The following GLB1L2 variants were observed in gnomAD, a reference collection of about 807,000 sequenced individuals.
GLB1L2 encodes galactosidase beta 1 like 2.
Under a neutral mutation model 84.1 loss-of-function variants are expected in GLB1L2, and 68 were observed. That is an observed-to-expected ratio of 0.81 (90% CI 0.67 to 0.99). GLB1L2 has a LOEUF of 0.99. GLB1L2 is among the 50% of genes least tolerant of loss of function. The pLI, the probability that GLB1L2 is intolerant of heterozygous loss-of-function variation, is 0.00. For synonymous variants in GLB1L2, 290 were observed against 318.0 expected (o/e 0.91, Z 0.94); for missense variants, 762 against 805.6 (o/e 0.95, Z 0.66).
At chr11:134,344,902 C>T (rs1007170616) in intron 3 of GLB1L2, 132 bp from the exon 4 acceptor site, 22 of 1,068,940 alleles carry the variant, frequency 2.1e-5, no homozygotes, top group African/African-American at 1.4e-4. Flanking sequence ...TGGGAGTCCC[C>T]GCGCTTTGGG....
intron 1 of GLB1L2, among the ~76,000 whole-genome samples, chr11:134,336,721 G>A (rs910411968): frequency 6.6e-6 from 1 of 151,986 alleles, no homozygotes; most frequent in African/African-American, 2.4e-5. Flanking sequence ...TGCATCTCTT[G>A]TATATCTTCA....
chr11:134,373,712 C>T lies in GLB1L2; in HGVS notation c.1508-9C>T, dbSNP rs779768350. ...TGGGCTACCCACGTGTCCTGCCTCC[C>T]TCCCACAGGCTTAATTGGAAATCTC... On this transcript the variant is annotated splice_polypyrimidine_tract_variant and intron_variant, in intron 15 of 18. Transcript: ENST00000535456. 2 of 1,599,912 alleles carry T rather than the reference C, an allele frequency of 1.3e-6. No homozygotes were observed. The highest frequency in any genetic ancestry group is 1.7e-6 in the Non-Finnish European group (2 of 1,168,478).
At chr11:134,361,557 T>G (rs966923883) in intron 7 of GLB1L2, 9 of 152,430 alleles carry the variant, frequency 5.9e-5, no homozygotes, top group African/African-American at 9.6e-5. Context: ...TTATTCTGTT[T>G]GTTTTTCTTT....
intron 5 of GLB1L2, among the ~76,000 whole-genome samples, chr11:134,355,069 C>T (rs1943684226): frequency 6.6e-6 from 1 of 152,088 alleles, no homozygotes; most frequent in African/African-American, 2.4e-5. Context: ...TTTCTGATAA[C>T]CTGTGTTTAA....
In GLB1L2 at chr11:134,375,365, A is replaced by C; in HGVS notation, c.*307A>C. 3.0e-6 allele frequency: 1 copy of C among 332,070 alleles called. No individual in the cohort carries two copies. Among genetic ancestry groups the C allele is most frequent in the Non-Finnish European group, 5.5e-6 (1 of 182,974 alleles). 20.6% of individuals were successfully genotyped at this position (332,070 alleles called of 1,614,324 possible). On this transcript the variant is annotated 3_prime_UTR_variant, in exon 19 of 19. Coordinates refer to ENST00000535456, the MANE Select transcript of GLB1L2 (RefSeq NM_001370461.1). ...ATCGCCCAGCCTTTGGCCCTCAGAA[A>C]AAGTGCTGAAACGTGCCCTTGCACT...
Position 134,371,335 on chromosome 11 carries a change from C to G in GLB1L2, c.1357-86C>G, listed in dbSNP as rs998853586. 9.1e-5 allele frequency: 106 copies of G among 1,159,700 alleles called. 1 individual carries two copies. In the Admixed American group the frequency reaches 1.7e-3, roughly 18 times the overall value. 71.8% of individuals were successfully genotyped at this position (1,159,700 alleles called of 1,614,324 possible). A position where few individuals can be genotyped will look rare whatever the true frequency, so the allele number is the denominator to read the frequency against. ...CTGGCCCCTCGTCTGCCTACAGGCA[C>G]GCGTGCTGCCCTTCTTGGCCTGGAG... On this transcript the variant is annotated intron_variant, in intron 13 of 18. Transcript: ENST00000535456.
chr11:134,335,042 A>G (rs1050457746), intron 1 of GLB1L2, among the ~76,000 whole-genome samples: 1 of 152,114 alleles, frequency 6.6e-6, no homozygotes, highest in African/African-American at 2.4e-5. Flanking sequence ...GAAAGCCTTC[A>G]TGTGGGCAGC....
Position 134,344,451 on chromosome 11 carries a change from C to G in GLB1L2, c.349C>G (p.Leu117Val), listed in dbSNP as rs1428441904. The G allele has an allele frequency of 1.1e-5, 18 of 1,612,660 alleles. No individual in the cohort carries two copies. In the East Asian group the frequency reaches 4.0e-4, roughly 36 times the overall value. The change falls in exon 3 of 19, where the codon CTG (leucine) becomes GTG (valine). Residue 117 changes from leucine to valine, a missense_variant. Leu to Val is a conservative substitution (Grantham distance 32, BLOSUM62 1). Coordinates refer to ENST00000535456, the MANE Select transcript of GLB1L2 (RefSeq NM_001370461.1). Reference protein sequence around the residue: ...GKFDFSGNLDLEAFVLMAAEI... With the variant: ...GKFDFSGNLDVEAFVLMAAEI... ...ATTTGACTTCTCTGGGAACCTGGACCTGGAGTATGTGGTGTTGCTGCTTCT... is the reference window on the plus strand; with the variant it reads ...ATTTGACTTCTCTGGGAACCTGGACGTGGAGTATGTGGTGTTGCTGCTTCT...
chr11:134,355,523 A>G (rs1442292992), intron 5 of GLB1L2, among the ~76,000 whole-genome samples: 1 of 152,194 alleles, frequency 6.6e-6, no homozygotes. Flanking sequence ...TGAAGACTTA[A>G]GAGCTGATAT....
intron 6 of GLB1L2, among the ~76,000 whole-genome samples, chr11:134,358,549 C>T (rs1442844942): frequency 2.0e-5 from 3 of 152,266 alleles, no homozygotes; most frequent in South Asian, 2.1e-4. Flanking sequence ...GGCAGTGCAC[C>T]GTGGGCACGT....
At position 134,339,555 on chromosome 11, in the gene GLB1L2, ACAG is replaced by A. The variant is rs1943434345; in HGVS notation, c.87-3197_87-3195del. On this transcript the variant is annotated intron_variant, in intron 1 of 18. Coordinates refer to ENST00000535456, the MANE Select transcript of GLB1L2 (RefSeq NM_001370461.1). The surrounding 1 kb of genome is among the most constrained non-coding windows in gnomAD (Gnocchi z 5.7). ...ATTCACCAGAATTTGGAATTGGATA[ACAG>A]CTAGATTGTTTTTTATTCTTGTTGT... is the stretch of plus-strand genomic sequence containing the variant. 6.6e-6 allele frequency among the ~76,000 whole-genome samples: 1 copy of A among 152,168 alleles called. No homozygotes were observed.
rs1442946444 is a variant in GLB1L2 at position 134,342,758 on chromosome 11, G to A, written c.91G>A (p.Asp31Asn). ...VLGFLVLRRL[D>N]WSTLVPLRLR... ...AGAATGTCTTTGTCTTTCCAGGCTG[G>A]ACTGGAGCACCCTGGTCCCTCTGCG... The change falls in exon 2 of 19, where the codon GAC (aspartate) becomes AAC (asparagine). Residue 31 changes from aspartate to asparagine, a missense_variant. Asp to Asn is a conservative substitution (Grantham distance 23). Coordinates refer to ENST00000535456, the MANE Select transcript of GLB1L2 (RefSeq NM_001370461.1). 4 of 1,613,622 alleles carry A rather than the reference G, an allele frequency of 2.5e-6. No homozygotes were observed. Among genetic ancestry groups the A allele is most frequent in the Non-Finnish European group, 2.5e-6 (3 of 1,179,854 alleles).
At position 134,345,002 on chromosome 11, in the gene GLB1L2, G is replaced by A. The variant is rs188714537; in HGVS notation, c.354-32G>A. The A allele has an allele frequency of 1.6e-4, 263 of 1,603,476 alleles. No individual in the cohort carries two copies. In the African/African-American group the frequency reaches 1.9e-3, roughly 11 times the overall value. On this transcript the variant is annotated intron_variant, in intron 3 of 18. Transcript: ENST00000535456. ...CCACCCGGCCTCATCCTGGGCCGTC[G>A]TGGGAGGGGCTGACGATGTGGACCT... is the stretch of plus-strand genomic sequence containing the variant.
intron 17 of GLB1L2, 90 bp from the exon 18 acceptor site, chr11:134,374,512 C>T (rs1352137087): frequency 9.5e-7 from 1 of 1,056,708 alleles, no homozygotes; most frequent in African/African-American, 1.6e-5. Flanking sequence ...GCTTTGGTCT[C>T]CTGGACCTGA....
At chr11:134,335,864 G>A (rs1179086294) in intron 1 of GLB1L2, among the ~76,000 whole-genome samples, 1 of 152,174 alleles carries the variant, frequency 6.6e-6, no homozygotes, top group Non-Finnish European at 1.5e-5. Context: ...ATTTGGACCT[G>A]AAAAGGACTC....
At chr11:134,356,160 C>A in intron 5 of GLB1L2, 141 bp from the exon 6 acceptor site, 2 of 753,404 alleles carry the variant, frequency 2.7e-6, no homozygotes, top group Non-Finnish European at 2.4e-6. Context: ...GTGCTTCTTC[C>A]ACTGTCTTAT....
At position 134,370,385 on chromosome 11, in the gene GLB1L2, A is replaced by C. The variant is rs767827002; in HGVS notation, c.1201A>C (p.Lys401Gln). The stretch of plus-strand genomic sequence containing the variant: ...GTACCTGTCTCTGTGGGACGCCCTC[A>C]AGTACCTGGGGGAGGTGAGTGCTGT... The part of the protein sequence containing the change: ...VLYLSLWDAL[K>Q]YLGEPIKSEK... Residue 401 changes from lysine to glutamine, a missense_variant, in exon 12 of 19, where the codon AAG (lysine) becomes CAG (glutamine). Lys to Gln is a moderately conservative substitution (Grantham distance 53). Coordinates refer to ENST00000535456, the MANE Select transcript of GLB1L2 (RefSeq NM_001370461.1). This position sits in a 1 kb window ranked among gnomAD's most constrained non-coding sequence, Gnocchi z 4.7. 6.2e-7 allele frequency: 1 copy of C among 1,612,742 alleles called. No individual in the cohort carries two copies. Among genetic ancestry groups the C allele is most frequent in the South Asian group, 1.1e-5 (1 of 91,018 alleles).
At chr11:134,369,365 A>T (rs1016277765) in intron 10 of GLB1L2, among the ~76,000 whole-genome samples, 1 of 152,054 alleles carries the variant, frequency 6.6e-6, no homozygotes, top group African/African-American at 2.4e-5. Flanking sequence ...GCTAATTTTT[A>T]AAATTTTTTG....
intron 2 of GLB1L2, among the ~76,000 whole-genome samples, chr11:134,343,426 G>A (rs189858019): frequency 4.6e-5 from 7 of 152,250 alleles, no homozygotes; most frequent in Admixed American, 4.6e-4. Flanking sequence ...CTAAAATGTC[G>A]AACTTGCAAA....
Sources: gnomAD v4.1 joint callset for allele counts (sites outside exome capture counted in the v4.1 genomes callset) on GRCh38, gnomAD v4.1.1 for gene constraint, Gnocchi (gnomAD v3.1) non-coding constraint, MANE v1.5 for transcripts, NCBI Gene and HGNC (gene_info 2026-07-23, HGNC 2026-07-21) for gene names.